The following UBQLN1 variants were observed in gnomAD, a reference collection of about 807,000 sequenced individuals.
The protein encoded by UBQLN1 is ubiquilin-1.
A neutral mutation model predicts 65.4 loss-of-function variants in UBQLN1; 13 were observed. The observed-to-expected ratio is 0.20, with a 90% CI of 0.13 to 0.32. The LOEUF (loss-of-function observed/expected upper bound fraction) is 0.32. Ranked by LOEUF, UBQLN1 falls within the 10% of genes least tolerant of loss-of-function variation. The probability of loss-of-function intolerance (pLI) is 1.00; values close to 1 mark genes in which losing one functional copy is unlikely to be tolerated. For synonymous variants in UBQLN1, 267 were observed against 247.8 expected (o/e 1.08, Z -0.73); for missense variants, 561 against 724.0 (o/e 0.77, Z 2.58).
At chr9:83,689,781 C>T (rs1832096253) in intron 1 of UBQLN1, among the ~76,000 whole-genome samples, 1 of 152,180 alleles carries the variant, frequency 6.6e-6, no homozygotes, top group Non-Finnish European at 1.5e-5. Flanking sequence ...ATTTGCAACA[C>T]AACCAGCACA....
chr9:83,675,422 T>C (rs929769103), intron 6 of UBQLN1, among the ~76,000 whole-genome samples: 2 of 151,812 alleles, frequency 1.3e-5, no homozygotes, highest in African/African-American at 2.4e-5. Context: ...TAAAATTGTT[T>C]GAATCACAAG....
rs761135602 is a variant in UBQLN1 at position 83,677,975 on chromosome 9, C to G, written c.871-14G>C. Reference sequence around the variant, plus strand: ...ATTACCACCAAACTGTAATAAAAGACATAAAAAATCACAAAGAATAAGCTT... The same window carrying G: ...ATTACCACCAAACTGTAATAAAAGAGATAAAAAATCACAAAGAATAAGCTT... On this transcript the variant is annotated splice_polypyrimidine_tract_variant and intron_variant, in intron 5 of 10. Transcript: ENST00000376395. The G allele has an allele frequency of 1.3e-6, 2 of 1,500,812 alleles. No homozygotes were observed. Among genetic ancestry groups the G allele is most frequent in the Non-Finnish European group, 1.8e-6 (2 of 1,097,692 alleles). The allele number at this position is 1,500,812 out of a possible 1,614,324, so 93.0% of individuals were successfully genotyped here. A position where few individuals can be genotyped will look rare whatever the true frequency, so the allele number is the denominator to read the frequency against.
At chr9:83,680,111 G>C in intron 3 of UBQLN1, 74 bp from the exon 4 acceptor site, 1 of 1,470,752 alleles carries the variant, frequency 6.8e-7, no homozygotes, top group Non-Finnish European at 9.1e-7. Flanking sequence ...AAAATATGAA[G>C]ATGCAAAAAA....
intron 4 of UBQLN1, among the ~76,000 whole-genome samples, chr9:83,679,148 C>T (rs182407118): frequency 6.6e-6 from 1 of 152,294 alleles, no homozygotes; most frequent in Admixed American, 6.5e-5. Flanking sequence ...GTTTCCCCCC[C>T]AAAACCATAG....
At chr9:83,698,131 T>G (rs559406813) in intron 1 of UBQLN1, among the ~76,000 whole-genome samples, 1 of 152,228 alleles carries the variant, frequency 6.6e-6, no homozygotes, top group African/African-American at 2.4e-5. Flanking sequence ...GCCTTATAAA[T>G]CATGCCTGCA....
intron 4 of UBQLN1, 138 bp from the exon 5 acceptor site, chr9:83,678,737 G>C: frequency 9.9e-7 from 1 of 1,012,540 alleles, no homozygotes; most frequent in African/African-American, 1.6e-5. Flanking sequence ...ATTTTTTTGA[G>C]ACGGAGTCTT....
At chr9:83,663,083 G>C (rs1587634966) in intron 10 of UBQLN1, among the ~76,000 whole-genome samples, 1 of 135,036 alleles carries the variant, frequency 7.4e-6, no homozygotes, top group Admixed American at 7.9e-5. Flanking sequence ...AAAAAAAAAA[G>C]GGAAAGGCAA....
intron 1 of UBQLN1, among the ~76,000 whole-genome samples, chr9:83,696,448 AAAAC>A (rs1832217154): frequency 6.6e-6 from 1 of 152,104 alleles, no homozygotes; most frequent in Non-Finnish European, 1.5e-5. Flanking sequence ...TGTCTCTATA[AAAAC>A]AAACAAAAAA....
In UBQLN1 at chr9:83,707,639, T is replaced by C; in HGVS notation, c.41A>G (p.Gln14Arg). The change falls in exon 1 of 11, where the codon CAG becomes CGG. Residue 14 changes from glutamine to arginine, a missense_variant. This residue lies in a region of UBQLN1 where 101 missense variants were observed against 104.9 expected (regional missense o/e 0.96). Coordinates refer to ENST00000376395, the MANE Select transcript of UBQLN1 (RefSeq NM_013438.5). ...SGESGGPPGS[Q>R]DSAAGAEGAG... ...ACCTTCGGCTCCGGCGGCGCTATCCTGGGAGCCCGGAGGACCGCCGCTTTC... is the reference window on the plus strand; with the variant it reads ...ACCTTCGGCTCCGGCGGCGCTATCCCGGGAGCCCGGAGGACCGCCGCTTTC... The C allele has an allele frequency of 6.4e-6, 10 of 1,572,258 alleles. No homozygotes were observed. The highest frequency in any genetic ancestry group is 8.6e-6 in the Non-Finnish European group (10 of 1,159,838).
chr9:83,666,248 T>C, intron 8 of UBQLN1, 102 bp downstream of exon 8: 1 of 1,093,990 alleles, frequency 9.1e-7, no homozygotes, highest in South Asian at 1.3e-5. Context: ...GTCTCTATTC[T>C]ATGTTTTGCT....
intron 6 of UBQLN1, among the ~76,000 whole-genome samples, chr9:83,672,962 T>C (rs1831758388): frequency 1.3e-5 from 2 of 152,248 alleles, no homozygotes; most frequent in South Asian, 4.1e-4. Flanking sequence ...CCAGGCATGG[T>C]GGTTCACACC....
intron 1 of UBQLN1, among the ~76,000 whole-genome samples, chr9:83,702,836 A>G (rs1470486736): frequency 6.6e-6 from 1 of 152,210 alleles, no homozygotes; most frequent in Admixed American, 6.5e-5. Context: ...CTTATCAAAG[A>G]AAGGCTCAAT....
chr9:83,705,721 T>C (rs1373268417), intron 1 of UBQLN1, among the ~76,000 whole-genome samples: 1 of 151,934 alleles, frequency 6.6e-6, no homozygotes, highest in Non-Finnish European at 1.5e-5. Context: ...CCTTCAACAG[T>C]GAATAGATTA....
chr9:83,697,659 G>A lies in UBQLN1; in HGVS notation c.180+9841C>T, dbSNP rs529191605. ...CAACCTCTGCCTCGCAGATTCAAGA[G>A]ATTCTTCCACCTCAGCTTCCCAAGT... On this transcript the variant is annotated intron_variant, in intron 1 of 10. Transcript: ENST00000376395. Among the ~76,000 whole-genome samples, 162 of 149,164 alleles carry A rather than the reference G, an allele frequency of 1.1e-3. 1 individual carries two copies. The highest frequency in any genetic ancestry group is 3.8e-3 in the African/African-American group (153 of 40,602).
chr9:83,686,746 A>G (rs1402525686), intron 1 of UBQLN1, among the ~76,000 whole-genome samples: 1 of 152,072 alleles, frequency 6.6e-6, no homozygotes, highest in Non-Finnish European at 1.5e-5. Context: ...CTAGCGGTGG[A>G]GTATCTCTAA....
At chr9:83,705,325 C>T (rs1273500044) in intron 1 of UBQLN1, among the ~76,000 whole-genome samples, 1 of 150,628 alleles carries the variant, frequency 6.6e-6, no homozygotes, top group Non-Finnish European at 1.5e-5. Flanking sequence ...ACTGTAACCT[C>T]CCTCTCCCAG....
At chr9:83,684,008 G>A (rs182569171) in intron 2 of UBQLN1, among the ~76,000 whole-genome samples, 1 of 151,898 alleles carries the variant, frequency 6.6e-6, no homozygotes, top group South Asian at 2.1e-4. Context: ...GTGACAGAGA[G>A]AGACTCTTGA....
chr9:83,686,782 A>C (rs1267551840), intron 1 of UBQLN1, among the ~76,000 whole-genome samples: 1 of 152,170 alleles, frequency 6.6e-6, no homozygotes, highest in South Asian at 2.1e-4. Flanking sequence ...TATGAAATGC[A>C]CCAACATCCA....
intron 1 of UBQLN1, among the ~76,000 whole-genome samples, chr9:83,686,659 C>T (rs897688417): frequency 5.3e-5 from 8 of 152,130 alleles, no homozygotes; most frequent in Non-Finnish European, 1.0e-4. Flanking sequence ...TAATCCATTC[C>T]TCAGACTTCT....
Sources: gnomAD v4.1 joint callset for allele counts (sites outside exome capture counted in the v4.1 genomes callset) on GRCh38, gnomAD v4.1.1 for gene constraint, gnomAD v4.1.1 regional missense constraint, MANE v1.5 for transcripts, NCBI Gene and HGNC (gene_info 2026-07-23, HGNC 2026-07-21) for gene names.